The following STK4 variants were observed in gnomAD, a reference collection of about 807,000 sequenced individuals.
The protein encoded by STK4 is serine/threonine-protein kinase 4.
In STK4, 30 loss-of-function variants were observed where a neutral mutation model predicts 64.9. The observed-to-expected ratio is 0.46, with a 90% CI of 0.35 to 0.63. The LOEUF is 0.63. STK4 is among the 20% of genes least tolerant of loss of function. The pLI is 0.01. For synonymous variants in STK4, 177 were observed against 199.0 expected, an observed-to-expected ratio of 0.89 and a Z score of 0.93; for missense variants, 466 against 598.5, an observed-to-expected ratio of 0.78 and a Z score of 2.31.
At chr20:45,021,738 A>G (rs1483111426) in intron 9 of STK4, among the ~76,000 whole-genome samples, 2 of 152,146 alleles carry the variant, frequency 1.3e-5, no homozygotes, top group African/African-American at 4.8e-5. Flanking sequence ...AGTCTTAACT[A>G]TTTTTCACTT....
chr20:45,050,467 C>T (rs777324778), intron 10 of STK4, among the ~76,000 whole-genome samples: 5 of 152,126 alleles, frequency 3.3e-5, no homozygotes, highest in East Asian at 1.9e-4. Context: ...TTGCATGGTA[C>T]GCCCTTAGAA....
intron 10 of STK4, among the ~76,000 whole-genome samples, chr20:45,041,006 G>A (rs2068604821): frequency 6.6e-6 from 1 of 152,108 alleles, no homozygotes; most frequent in Non-Finnish European, 1.5e-5. Context: ...GATTTGTGTT[G>A]CAGCTTGTTG....
chr20:44,993,635 A>G (rs1432301960), intron 5 of STK4, among the ~76,000 whole-genome samples: 2 of 152,252 alleles, frequency 1.3e-5, no homozygotes, highest in African/African-American at 2.4e-5. Context: ...TTCAGAAGGA[A>G]TATCAGTGAT....
In STK4 at chr20:44,995,000, T is replaced by C. The variant is rs1265598605; in HGVS notation, c.526-90T>C. 26 of 1,135,670 alleles carry C rather than the reference T, an allele frequency of 2.3e-5. No individual in the cohort carries two copies. The East Asian group carries it at 7.1e-4, about 31-fold the overall frequency. 70.3% of individuals were successfully genotyped at this position (1,135,670 alleles called of 1,614,324 possible). A position where few individuals can be genotyped will look rare whatever the true frequency, so the allele number is the denominator to read the frequency against. ...GCCTCTTTTTCTCAGTAGTTTTTTT[T>C]TTTTTCTTCTTTTTTTCTCTGTAGA... On this transcript the variant is annotated intron_variant, in intron 5 of 10. Transcript: ENST00000372806.
chr20:44,978,795 A>ATTT (rs2067383802), intron 3 of STK4, among the ~76,000 whole-genome samples: 1 of 145,784 alleles, frequency 6.9e-6, no homozygotes, highest in African/African-American at 2.6e-5. Flanking sequence ...TTTTTTTTCA[A>ATTT]TTTTTCTTTT....
At chr20:44,978,223 C>A (rs892232562) in intron 2 of STK4, among the ~76,000 whole-genome samples, 2 of 152,200 alleles carry the variant, frequency 1.3e-5, no homozygotes, top group South Asian at 2.1e-4. Flanking sequence ...AGAATACATT[C>A]ATTACAGTTT....
chr20:44,979,939 CTG>C (rs1442550540), intron 3 of STK4, among the ~76,000 whole-genome samples: 1 of 152,106 alleles, frequency 6.6e-6, no homozygotes, highest in Non-Finnish European at 1.5e-5. Context: ...TTTCGATAGA[CTG>C]TGCGGGAGCT....
In STK4 at chr20:44,967,110, A is replaced by C; in HGVS notation, c.35+507A>C. 3.1e-6 allele frequency: 3 copies of C among 981,482 alleles called. No homozygotes were observed. In the South Asian group the frequency reaches 1.4e-4, roughly 46 times the overall value. The allele number at this position is 981,482 out of a possible 1,614,324, so 60.8% of individuals were successfully genotyped here. On this transcript the variant is annotated intron_variant, in intron 1 of 10. Coordinates refer to ENST00000372806, the MANE Select transcript of STK4 (RefSeq NM_006282.5). ...CCTAAGGCTGAAAGCATGCGAGGAAAGGTTGAGGGTCTAGCAAGGGAGGGG... is the reference window on the plus strand; with the variant it reads ...CCTAAGGCTGAAAGCATGCGAGGAACGGTTGAGGGTCTAGCAAGGGAGGGG...
chr20:45,044,261 C>T (rs1040805995), intron 10 of STK4, among the ~76,000 whole-genome samples: 1 of 152,170 alleles, frequency 6.6e-6, no homozygotes, highest in African/African-American at 2.4e-5. Flanking sequence ...CCTTTCACTT[C>T]TTGAGTGCAC....
intron 5 of STK4, among the ~76,000 whole-genome samples, chr20:44,987,584 AAAATT>A (rs1327900811): frequency 3.9e-5 from 6 of 152,300 alleles, no homozygotes; most frequent in East Asian, 1.9e-4. Flanking sequence ...AAAAGGAAGA[AAAATT>A]AAGAGGAAGA....
chr20:45,007,482 G>A (rs940285999), intron 9 of STK4, among the ~76,000 whole-genome samples: 7 of 152,080 alleles, frequency 4.6e-5, no homozygotes, highest in Admixed American at 3.9e-4. Context: ...AGGAGGTGGA[G>A]GTTGCAGTGA....
In STK4 at chr20:44,984,186, G is replaced by GTTTTTTTTTTT. The variant is rs11397664; in HGVS notation, c.360+2256_360+2266dup. 3.7e-4 allele frequency among the ~76,000 whole-genome samples: 28 copies of GTTTTTTTTTTT among 76,054 alleles called. 1 individual carries two copies. Among genetic ancestry groups the GTTTTTTTTTTT allele is most frequent in the Non-Finnish European group, 4.2e-4 (18 of 43,310 alleles). The allele number at this position is 76,054 out of a possible 152,430, so 49.9% of individuals were successfully genotyped here. A position where few individuals can be genotyped will look rare whatever the true frequency, so the allele number is the denominator to read the frequency against. On this transcript the variant is annotated intron_variant, in intron 4 of 10. Transcript: ENST00000372806. The stretch of plus-strand genomic sequence containing the variant: ...GTGCTGGTTTTTTGTTGTTGTCGTT[G>GTTTTTTTTTTT]TTTTTTTTTTTTTTTTTTTTTTTGA...
chr20:45,007,043 T>TTTTGTTTG (rs145577732), intron 9 of STK4, among the ~76,000 whole-genome samples: 12 of 152,182 alleles, frequency 7.9e-5, no homozygotes, highest in African/African-American at 2.4e-4. Flanking sequence ...ATGGGTTGTT[T>TTTTGTTTG]TTTGTTTGTT....
chr20:45,034,912 A>G (rs1331447673), intron 10 of STK4, among the ~76,000 whole-genome samples: 5 of 152,104 alleles, frequency 3.3e-5, no homozygotes, highest in Non-Finnish European at 7.4e-5. Context: ...GTGAGACCCC[A>G]TGTCTTAAAA....
intron 1 of STK4, among the ~76,000 whole-genome samples, chr20:44,968,240 C>T (rs1422590517): frequency 6.6e-6 from 1 of 151,990 alleles, no homozygotes; most frequent in Admixed American, 6.5e-5. Context: ...TGGGTTCAAG[C>T]GATTCTCCTG....
chr20:44,991,774 A>C (rs1393271610), intron 5 of STK4, among the ~76,000 whole-genome samples: 2 of 151,566 alleles, frequency 1.3e-5, no homozygotes, highest in African/African-American at 4.9e-5. Flanking sequence ...TGATACCCCC[A>C]CTTTTGGCCT....
chr20:44,986,596 A>G (rs1047673163), intron 4 of STK4, among the ~76,000 whole-genome samples: 4 of 152,208 alleles, frequency 2.6e-5, no homozygotes, highest in East Asian at 1.9e-4. Context: ...TGGAAAATAC[A>G]TTGTAGAGTG....
chr20:44,996,256 T>C (rs2067728032), intron 6 of STK4, among the ~76,000 whole-genome samples: 1 of 152,146 alleles, frequency 6.6e-6, no homozygotes, highest in Admixed American at 6.6e-5. Context: ...AGTGAAGCTC[T>C]TCCAGTGCTC....
intron 9 of STK4, among the ~76,000 whole-genome samples, chr20:45,004,792 G>A (rs2067907331): frequency 7.1e-6 from 1 of 140,544 alleles, no homozygotes. Context: ...TTTTTGAGAC[G>A]GAGTCTTGCC....
Sources: allele counts gnomAD v4.1 joint callset (sites outside exome capture counted in the v4.1 genomes callset), GRCh38; gene constraint gnomAD v4.1.1; transcripts MANE v1.5; gene names NCBI Gene and HGNC (gene_info 2026-07-23, HGNC 2026-07-21).